LYN: variants seen among roughly 807,000 people sequenced by gnomAD.
LYN encodes LYN proto-oncogene, Src family tyrosine kinase.
In LYN, 12 loss-of-function variants were observed where a neutral mutation model predicts 65.0. That is an observed-to-expected ratio of 0.18 (90% confidence interval 0.12 to 0.30). The LOEUF is 0.30. LYN is among the 10% of genes least tolerant of loss of function. The pLI, the probability that LYN is intolerant of heterozygous loss-of-function variation, is 1.00. For missense variants in LYN, 380 were observed against 623.2 expected (o/e 0.61, Z 4.16); for synonymous variants, 222 against 221.2 (o/e 1.00, Z -0.03).
At chr8:55,935,099 G>C (rs975462667) in intron 1 of LYN, among the ~76,000 whole-genome samples, 2 of 152,144 alleles carry the variant, frequency 1.3e-5, no homozygotes, top group Non-Finnish European at 2.9e-5. Flanking sequence ...TGTGATCTGA[G>C]GGATTCCCGG....
chr8:55,921,431 A>G, intron 1 of LYN, among the ~76,000 whole-genome samples: 1 of 152,352 alleles, frequency 6.6e-6, no homozygotes, highest in Admixed American at 6.5e-5. Context: ...GAGTTACATA[A>G]CAGACATAAA....
chr8:55,960,686 G>GA (rs1807246619), intron 8 of LYN, among the ~76,000 whole-genome samples: 3 of 152,086 alleles, frequency 2.0e-5, no homozygotes, highest in Non-Finnish European at 4.4e-5. Flanking sequence ...CTCATTGATA[G>GA]AAAAAATACA....
Position 56,011,985 on chromosome 8 carries a change from G to A in LYN, c.*1875G>A, listed in dbSNP as rs1808830857. 1.1e-5 allele frequency: 2 copies of A among 186,736 alleles called. No individual in the cohort carries two copies. The highest frequency in any genetic ancestry group is 2.3e-5 in the African/African-American group (1 of 42,560). 11.6% of individuals were successfully genotyped at this position (186,736 alleles called of 1,614,324 possible). ...AAAATGACTAGAGGTTTTTTTTTTAGCATAACAAATTTATTTAAAGAAAAT... is the reference window on the plus strand; with the variant it reads ...AAAATGACTAGAGGTTTTTTTTTTAACATAACAAATTTATTTAAAGAAAAT... On this transcript the variant is annotated 3_prime_UTR_variant, in exon 13 of 13. Coordinates refer to ENST00000519728, the MANE Select transcript of LYN (RefSeq NM_002350.4).
intron 1 of LYN, among the ~76,000 whole-genome samples, chr8:55,880,685 A>T (rs1314862801): frequency 1.3e-5 from 2 of 152,124 alleles, no homozygotes; most frequent in African/African-American, 2.4e-5. Flanking sequence ...GCTGCAGCGG[A>T]GGCTGGAACT....
rs1341673148 is a variant in LYN at position 55,991,241 on chromosome 8, T to C, written c.1051-7105T>C. Reference sequence around the variant, plus strand: ...GGTATCTTTGTTGAAGGGTTGACACTTCCTGTTTCACACCAGCAGTGGGGG... The same window carrying C: ...GGTATCTTTGTTGAAGGGTTGACACCTCCTGTTTCACACCAGCAGTGGGGG... On this transcript the variant is annotated intron_variant, in intron 10 of 12. Coordinates refer to ENST00000519728, the MANE Select transcript of LYN (RefSeq NM_002350.4). Among the ~76,000 whole-genome samples the C allele has an allele frequency of 6.6e-5, 10 of 152,346 alleles. No individual in the cohort carries two copies. In the East Asian group the frequency reaches 1.7e-3, roughly 26 times the overall value.
chr8:55,950,249 G>T (rs1386493222), intron 4 of LYN, among the ~76,000 whole-genome samples: 2 of 152,114 alleles, frequency 1.3e-5, no homozygotes, highest in African/African-American at 4.8e-5. Context: ...GTTTTTGTGT[G>T]GACATTATGG....
intron 1 of LYN, among the ~76,000 whole-genome samples, chr8:55,890,545 TA>T (rs1421365681): frequency 5.3e-5 from 8 of 152,128 alleles, no homozygotes; most frequent in Non-Finnish European, 8.8e-5. Context: ...AAATTAGACA[TA>T]GAATTGCCAT....
intron 1 of LYN, chr8:55,894,010 C>G (rs1455832266): frequency 6.6e-6 from 1 of 151,844 alleles, no homozygotes; most frequent in African/African-American, 2.4e-5. Context: ...ATATGAAGAA[C>G]ATGCACAGGC....
intron 10 of LYN, among the ~76,000 whole-genome samples, chr8:55,970,125 ACAG>A (rs1168049704): frequency 2.0e-5 from 3 of 152,212 alleles, no homozygotes; most frequent in Non-Finnish European, 4.4e-5. Context: ...CTATGTAAGC[ACAG>A]CAGCTTTTAA....
chr8:55,943,329 G>A (rs1206719720), intron 2 of LYN, among the ~76,000 whole-genome samples: 1 of 152,160 alleles, frequency 6.6e-6, no homozygotes, highest in South Asian at 2.1e-4. Flanking sequence ...GGCTGGGCAT[G>A]GTGGTTCATG....
chr8:56,000,801 A>G (rs1292323933), intron 12 of LYN, among the ~76,000 whole-genome samples: 1 of 151,016 alleles, frequency 6.6e-6, no homozygotes, highest in East Asian at 1.9e-4. Context: ...ATGTTTGACT[A>G]TTAACAAAAT....
chr8:56,007,307 C>G (rs74692140), intron 12 of LYN, among the ~76,000 whole-genome samples: 2,270 of 152,292 alleles, frequency 0.015, 56 homozygotes, highest in African/African-American at 0.045. Flanking sequence ...TGAAATTTAT[C>G]CAAGTTATAA....
At chr8:55,901,944 A>G (rs953279387) in intron 1 of LYN, among the ~76,000 whole-genome samples, 1 of 152,216 alleles carries the variant, frequency 6.6e-6, no homozygotes, top group Non-Finnish European at 1.5e-5. Context: ...GACACGGGAA[A>G]GGATCTGGTT....
chr8:55,952,427 G>T (rs553303458), intron 7 of LYN, among the ~76,000 whole-genome samples: 4 of 152,104 alleles, frequency 2.6e-5, no homozygotes, highest in African/African-American at 9.7e-5. Context: ...AGGCATAGTG[G>T]TGCGTGCCTG....
Position 55,879,935 on chromosome 8 carries a change from C to T in LYN, c.-174C>T. On this transcript the variant is annotated 5_prime_UTR_variant, in exon 1 of 13. Transcript: ENST00000519728. ...AGCCTCCAGCCCGCGGCAAGCGGGG[C>T]GGCCGCGCCACCCCCGGCCCCGCGC... The T allele has an allele frequency of 4.9e-6, 1 of 203,470 alleles. No individual in the cohort carries two copies. 12.6% of individuals were successfully genotyped at this position (203,470 alleles called of 1,614,324 possible). A position where few individuals can be genotyped will look rare whatever the true frequency, so the allele number is the denominator to read the frequency against.
intron 10 of LYN, among the ~76,000 whole-genome samples, chr8:55,989,048 C>T (rs951297679): frequency 1.3e-5 from 2 of 152,234 alleles, no homozygotes; most frequent in African/African-American, 2.4e-5. Flanking sequence ...CAAAGCATTG[C>T]TCATGTTCTC....
rs1806916427 is a variant in LYN, at chr8:55,950,673, C to T, written c.384-8C>T. ...TAATATGCAGGAAATGTTGAAATGTCTTCACAGGTGGTTTTTCAAGGATAT... is the reference window on the plus strand; with the variant it reads ...TAATATGCAGGAAATGTTGAAATGTTTTCACAGGTGGTTTTTCAAGGATAT... On this transcript the variant is annotated splice_region_variant and splice_polypyrimidine_tract_variant and intron_variant, in intron 5 of 12. Transcript: ENST00000519728. 1 of 1,606,966 alleles carries T rather than the reference C, an allele frequency of 6.2e-7. No homozygotes were observed. Among genetic ancestry groups the T allele is most frequent in the Non-Finnish European group, 8.5e-7 (1 of 1,173,554 alleles).
chr8:55,985,357 C>T (rs76469276), intron 10 of LYN, among the ~76,000 whole-genome samples: 4 of 152,306 alleles, frequency 2.6e-5, no homozygotes, highest in East Asian at 3.9e-4. Context: ...GCAGGAGCAG[C>T]CACAGAGAGC....
At chr8:55,934,683 A>C (rs1563517424) in intron 1 of LYN, among the ~76,000 whole-genome samples, 4 of 152,312 alleles carry the variant, frequency 2.6e-5, no homozygotes, top group Middle Eastern at 3.4e-3. Context: ...AGAGAAGAGA[A>C]GAGCCAACTC....
Sources: allele counts gnomAD v4.1 joint callset (sites outside exome capture counted in the v4.1 genomes callset), GRCh38; gene constraint gnomAD v4.1.1; transcripts MANE v1.5; gene names NCBI Gene and HGNC (gene_info 2026-07-23, HGNC 2026-07-21).